Variants in CHST9 observed in about 807,000 individuals in gnomAD.
CHST9 encodes the protein GalNAc-4-sulfotransferase 2.
In CHST9, 41 loss-of-function variants were observed where a neutral mutation model predicts 44.4. The observed-to-expected ratio is 0.92, with a 90% CI of 0.72 to 1.20. The LOEUF (loss-of-function observed/expected upper bound fraction) is 1.20. Ranked by LOEUF, CHST9 falls within the 50% of genes most tolerant of loss-of-function variation. CHST9 has a pLI of 0.00. For missense variants in CHST9, 504 were observed against 516.5 expected (o/e 0.98, Z 0.23); for synonymous variants, 171 against 178.4 (o/e 0.96, Z 0.33).
chr18:27,111,478 G>C (rs1298438012), intron 2 of CHST9, among the ~76,000 whole-genome samples: 1 of 152,234 alleles, frequency 6.6e-6, no homozygotes, highest in African/African-American at 2.4e-5. Context: ...CTGCTCAGGA[G>C]GGACAGGCAT....
At chr18:27,179,351 T>C (rs2058893751) in intron 1 of CHST9, among the ~76,000 whole-genome samples, 1 of 152,060 alleles carries the variant, frequency 6.6e-6, no homozygotes, top group Non-Finnish European at 1.5e-5. Context: ...TTCTGATCCA[T>C]TAGAGCCAGT....
In CHST9 at chr18:26,914,722, A is replaced by G. The variant is rs16942942; in HGVS notation, c.*1537T>C. 0.18 allele frequency: 71,635 copies of G among 387,542 alleles called. 7,141 individuals are homozygous for G. Among genetic ancestry groups the G allele is most frequent in the East Asian group, 0.3 (8,197 of 27,474 alleles). 24.0% of individuals were successfully genotyped at this position (387,542 alleles called of 1,614,324 possible). A position where few individuals can be genotyped will look rare whatever the true frequency, so the allele number is the denominator to read the frequency against. ...TCATGAATACTCAGCCATGAAATAG[A>G]AAATCAAAATGAAATAAGTATGACT... On this transcript the variant is annotated 3_prime_UTR_variant, in exon 6 of 6. Transcript: ENST00000618847.
At chr18:26,975,681 A>G (rs993051172) in intron 4 of CHST9, among the ~76,000 whole-genome samples, 7 of 143,140 alleles carry the variant, frequency 4.9e-5, no homozygotes, top group African/African-American at 1.8e-4. Flanking sequence ...ATATATGTAT[A>G]TATGTGTGTG....
At chr18:27,084,830 A>G (rs779058662) in intron 2 of CHST9, among the ~76,000 whole-genome samples, 16 of 152,030 alleles carry the variant, frequency 1.1e-4, no homozygotes, top group Non-Finnish European at 2.1e-4. Flanking sequence ...AGCTGTGTCC[A>G]GAGATACTAG....
chr18:26,957,069 G>C (rs564869706), intron 4 of CHST9, among the ~76,000 whole-genome samples: 1 of 152,324 alleles, frequency 6.6e-6, no homozygotes, highest in African/African-American at 2.4e-5. Context: ...TGGCTGGTGA[G>C]AGAGTAGCCT....
intron 4 of CHST9, among the ~76,000 whole-genome samples, chr18:26,978,824 A>G (rs1245623423): frequency 6.6e-6 from 1 of 152,190 alleles, no homozygotes; most frequent in Non-Finnish European, 1.5e-5. Flanking sequence ...ATGCAAATTC[A>G]AGGCACTAAT....
At chr18:27,037,689 G>T (rs2143518692) in intron 3 of CHST9, among the ~76,000 whole-genome samples, 1 of 152,234 alleles carries the variant, frequency 6.6e-6, no homozygotes, top group South Asian at 2.1e-4. Flanking sequence ...TGCAGAGAGA[G>T]ACCCTGTCTC....
At chr18:27,076,615 C>G (rs530674952) in intron 2 of CHST9, among the ~76,000 whole-genome samples, 1 of 152,148 alleles carries the variant, frequency 6.6e-6, no homozygotes, top group Non-Finnish European at 1.5e-5. Context: ...TTAGTGTATA[C>G]CCGAATGAGT....
chr18:27,079,676 T>TA (rs2057941719), intron 2 of CHST9, among the ~76,000 whole-genome samples: 1 of 152,208 alleles, frequency 6.6e-6, no homozygotes, highest in African/African-American at 2.4e-5. Context: ...AACAGTGGCT[T>TA]AAAATAGCGC....
intron 2 of CHST9, among the ~76,000 whole-genome samples, chr18:27,093,146 T>C (rs2058085290): frequency 6.6e-6 from 1 of 152,198 alleles, no homozygotes; most frequent in Non-Finnish European, 1.5e-5. Context: ...GAGGTGTCCA[T>C]CAGCCCCTAC....
At chr18:27,159,846 T>C (rs191262401) in intron 1 of CHST9, among the ~76,000 whole-genome samples, 1 of 152,336 alleles carries the variant, frequency 6.6e-6, no homozygotes, top group African/African-American at 2.4e-5. Flanking sequence ...GTTGGATTCC[T>C]AGGTATTTTA....
At chr18:26,918,332 A>C (rs1259937218) in intron 5 of CHST9, among the ~76,000 whole-genome samples, 1 of 152,114 alleles carries the variant, frequency 6.6e-6, no homozygotes, top group Non-Finnish European at 1.5e-5. Flanking sequence ...AATGGACTGG[A>C]TATATACATA....
chr18:26,973,365 G>A (rs894809134), intron 4 of CHST9, among the ~76,000 whole-genome samples: 7 of 152,174 alleles, frequency 4.6e-5, no homozygotes, highest in Non-Finnish European at 1.0e-4. Flanking sequence ...AAAAATGAAT[G>A]AGTCAAGAGT....
chr18:26,923,988 G>A (rs1039109964), intron 5 of CHST9, among the ~76,000 whole-genome samples: 1 of 152,144 alleles, frequency 6.6e-6, no homozygotes, highest in Non-Finnish European at 1.5e-5. Flanking sequence ...AGATGACAGG[G>A]AGAGGCAGGA....
chr18:26,959,918 A>G (rs1193409010), intron 4 of CHST9, among the ~76,000 whole-genome samples: 1 of 152,160 alleles, frequency 6.6e-6, no homozygotes, highest in Non-Finnish European at 1.5e-5. Context: ...GGCACATTGT[A>G]TGAGTAAAAT....
intron 4 of CHST9, among the ~76,000 whole-genome samples, chr18:27,012,164 G>A (rs975762519): frequency 2.6e-5 from 4 of 152,132 alleles, no homozygotes; most frequent in African/African-American, 4.8e-5. Flanking sequence ...TTTATGTACT[G>A]TTGACCCTTG....
intron 4 of CHST9, among the ~76,000 whole-genome samples, chr18:26,949,593 GC>G (rs1239281368): frequency 6.6e-6 from 1 of 152,182 alleles, no homozygotes; most frequent in Non-Finnish European, 1.5e-5. Flanking sequence ...TGAGGCTTGT[GC>G]CTGTAATAAA....
chr18:27,083,659 A>G (rs918111382), intron 2 of CHST9, among the ~76,000 whole-genome samples: 3 of 152,024 alleles, frequency 2.0e-5, no homozygotes, highest in African/African-American at 7.2e-5. Flanking sequence ...TTTTCCACTG[A>G]CTTATTCCAA....
Position 27,179,567 on chromosome 18 carries a change from T to A in CHST9, c.-97+5569A>T, listed in dbSNP as rs186718396. Among the ~76,000 whole-genome samples the A allele has an allele frequency of 5.7e-4, 86 of 152,202 alleles. No individual in the cohort carries two copies. In the Middle Eastern group the frequency reaches 0.01, roughly 18 times the overall value. ...AAATTATTGGTGGTGGTAGTGGTGGTGTGCTATTGGCTTTTAGTGTATATG... is the reference window on the plus strand; with the variant it reads ...AAATTATTGGTGGTGGTAGTGGTGGAGTGCTATTGGCTTTTAGTGTATATG... On this transcript the variant is annotated intron_variant, in intron 1 of 5. Transcript: ENST00000618847.
Sources: gnomAD v4.1 joint callset for allele counts (sites outside exome capture counted in the v4.1 genomes callset) on GRCh38, gnomAD v4.1.1 for gene constraint, MANE v1.5 for transcripts, NCBI Gene and HGNC (gene_info 2026-07-23, HGNC 2026-07-21) for gene names.